The following TNRC18 variants were observed in gnomAD, a reference collection of about 807,000 sequenced individuals.
The protein encoded by TNRC18 is trinucleotide repeat-containing gene 18 protein.
In TNRC18, 69 loss-of-function variants were observed where a neutral mutation model predicts 226.7. The observed-to-expected ratio is 0.30, with a 90% CI of 0.25 to 0.37. The LOEUF (loss-of-function observed/expected upper bound fraction) is 0.37, where lower values mean the gene tolerates loss of function less well. Ranked by LOEUF, TNRC18 falls within the 10% of genes least tolerant of loss-of-function variation. TNRC18 has a pLI of 1.00. For synonymous variants in TNRC18, 2,449 were observed against 1,927.6 expected (o/e 1.27, Z -7.09); for missense variants, 4,754 against 4,256.6 (o/e 1.12, Z -3.25).
Position 5,328,584 on chromosome 7 carries a change from C to T in TNRC18, c.6148-3336G>A, listed in dbSNP as rs1483906513. ...AGTGCAGTGGCACAATCTCGGCTCA[C>T]TGCAACCTCCGCCTCCTGGGTTCGA... On this transcript the variant is annotated intron_variant, in intron 19 of 29. Transcript: ENST00000430969. Among the ~76,000 whole-genome samples, 4 of 151,792 alleles carry T rather than the reference C, an allele frequency of 2.6e-5. No individual in the cohort carries two copies. The East Asian group carries it at 7.8e-4, about 30-fold the overall frequency.
chr7:5,361,746 C>T (rs1186329298), intron 13 of TNRC18, 24 bp from the exon 14 acceptor site: 3 of 1,557,054 alleles, frequency 1.9e-6, no homozygotes, highest in Admixed American at 3.8e-5. Context: ...ACACGCTTGG[C>T]TGTGACGCTG....
At chr7:5,409,525 G>A (rs1482831422) in intron 2 of TNRC18, among the ~76,000 whole-genome samples, 1 of 151,816 alleles carries the variant, frequency 6.6e-6, no homozygotes, top group African/African-American at 2.4e-5. Flanking sequence ...TGAGCTCAAG[G>A]TTGCAGTGAG....
intron 9 of TNRC18, among the ~76,000 whole-genome samples, chr7:5,375,689 G>A (rs1243017820): frequency 1.3e-5 from 2 of 152,114 alleles, no homozygotes; most frequent in African/African-American, 4.8e-5. Context: ...GGCCAGGCTG[G>A]GCTCAGGCAA....
At chr7:5,380,502 G>A (rs1299139647) in intron 5 of TNRC18, among the ~76,000 whole-genome samples, 1 of 152,214 alleles carries the variant, frequency 6.6e-6, no homozygotes, top group Non-Finnish European at 1.5e-5. Context: ...CCCAGAGAGG[G>A]GCACAGCCAT....
At chr7:5,422,466 C>T (rs952858116) in intron 1 of TNRC18, among the ~76,000 whole-genome samples, 2 of 152,130 alleles carry the variant, frequency 1.3e-5, no homozygotes, top group South Asian at 2.1e-4. Flanking sequence ...AAAGATTTGT[C>T]CTTTGCCGAT....
chr7:5,412,064 G>A (rs1781877193), intron 2 of TNRC18, among the ~76,000 whole-genome samples: 1 of 151,970 alleles, frequency 6.6e-6, no homozygotes, highest in Admixed American at 6.6e-5. Flanking sequence ...GAACGCACCT[G>A]TAGTCCTAGC....
chr7:5,336,009 C>G (rs1433131206), intron 18 of TNRC18, among the ~76,000 whole-genome samples: 5 of 151,846 alleles, frequency 3.3e-5, no homozygotes, highest in Admixed American at 6.6e-5. Flanking sequence ...GAGTTTGAGA[C>G]CAGCCTGGCC....
intron 2 of TNRC18, among the ~76,000 whole-genome samples, chr7:5,396,944 C>G (rs1011615923): frequency 2.0e-5 from 3 of 152,230 alleles, no homozygotes; most frequent in African/African-American, 7.2e-5. Flanking sequence ...GAATATCCAA[C>G]CCATCTTCTT....
At chr7:5,340,442 G>C (rs909573532) in intron 18 of TNRC18, among the ~76,000 whole-genome samples, 1 of 152,064 alleles carries the variant, frequency 6.6e-6, no homozygotes. Context: ...GAGGTGTAAG[G>C]AAAGAAGCTA....
chr7:5,408,151 T>C (rs994912457), intron 2 of TNRC18, among the ~76,000 whole-genome samples: 1 of 151,774 alleles, frequency 6.6e-6, no homozygotes, highest in Non-Finnish European at 1.5e-5. Flanking sequence ...ATACAAAAAT[T>C]AGCTGGGCGT....
chr7:5,408,182 C>T (rs998567608), intron 2 of TNRC18, among the ~76,000 whole-genome samples: 1 of 151,972 alleles, frequency 6.6e-6, no homozygotes, highest in Non-Finnish European at 1.5e-5. Context: ...GCCTCTAGTC[C>T]CCACTACTCA....
At position 5,388,501 on chromosome 7, in the gene TNRC18, G is replaced by T. The variant is rs554466523; in HGVS notation, c.1323C>A (p.Pro441=). The T allele has an allele frequency of 2.0e-5, 27 of 1,337,520 alleles. 1 individual carries two copies. Among genetic ancestry groups the T allele is most frequent in the Admixed American group, 4.2e-5 (1 of 24,082 alleles). 82.9% of individuals were successfully genotyped at this position (1,337,520 alleles called of 1,614,324 possible). A position where few individuals can be genotyped will look rare whatever the true frequency, so the allele number is the denominator to read the frequency against. Residue 441 remains proline, a synonymous_variant, in exon 5 of 30, where the codon CCC becomes CCA. Coordinates refer to ENST00000430969, the MANE Select transcript of TNRC18 (RefSeq NM_001080495.3). ...TGGCCCGCACCGTGGGGGCATCCGC[G>T]GGGGGCGGCCGCTTGAGCGAGCGGA... ...SVIRSLKRPP[P]ADAPTVRATR...
At chr7:5,348,484 CTGCT>C (rs1791438156) in intron 17 of TNRC18, among the ~76,000 whole-genome samples, 2 of 152,200 alleles carry the variant, frequency 1.3e-5, no homozygotes, top group African/African-American at 4.8e-5. Flanking sequence ...CCCAAGCCGC[CTGCT>C]TGCTTAAGCA....
chr7:5,388,700 A>C lies in TNRC18; in HGVS notation c.1124T>G (p.Val375Gly). The C allele has an allele frequency of 7.9e-7, 1 of 1,265,422 alleles. No individual in the cohort carries two copies. The allele number at this position is 1,265,422 out of a possible 1,614,324, so 78.4% of individuals were successfully genotyped here. ...REHRVVAPTFVPSVEAFDERP... is the reference protein window; with the variant it reads ...REHRVVAPTFGPSVEAFDERP... ...CTCGTCGAAGGCCTCCACGGAAGGCACGAAGGTGGGCGCCACCACGCGGTG... is the reference window on the plus strand; with the variant it reads ...CTCGTCGAAGGCCTCCACGGAAGGCCCGAAGGTGGGCGCCACCACGCGGTG... The change falls in exon 5 of 30, where the codon GTG becomes GGG. Residue 375 changes from valine to glycine, a missense_variant. Coordinates refer to ENST00000430969, the MANE Select transcript of TNRC18 (RefSeq NM_001080495.3).
At chr7:5,343,701 G>A (rs1170592695) in intron 18 of TNRC18, among the ~76,000 whole-genome samples, 19 of 152,176 alleles carry the variant, frequency 1.2e-4, no homozygotes, top group Non-Finnish European at 2.2e-4. Context: ...TGCCGGGATT[G>A]TAGGTGTGAG....
rs755136599 is a variant in TNRC18, at chr7:5,387,961, G to A, written c.1863C>T (p.Pro621=). ...SPFGGLGTMK[P]EPAPTSAGAS... ...CACCCGCAGAGGTGGGCGCAGGCTC[G>A]GGTTTCATGGTGCCCAAACCTCCAA... Residue 621 remains proline (P), a synonymous_variant, in exon 5 of 30, where the codon CCC becomes CCT. Coordinates refer to ENST00000430969, the MANE Select transcript of TNRC18 (RefSeq NM_001080495.3). 22 of 1,597,174 alleles carry A rather than the reference G, an allele frequency of 1.4e-5. No homozygotes were observed. The African/African-American group carries it at 1.7e-4, about 13-fold the overall frequency.
At chr7:5,385,275 T>C (rs1159208325) in intron 5 of TNRC18, among the ~76,000 whole-genome samples, 1 of 151,812 alleles carries the variant, frequency 6.6e-6, no homozygotes, top group African/African-American at 2.4e-5. Flanking sequence ...TCACTTGAGG[T>C]CAGGAGATCG....
chr7:5,414,562 G>A (rs547474510), intron 2 of TNRC18, among the ~76,000 whole-genome samples: 4 of 151,922 alleles, frequency 2.6e-5, no homozygotes, highest in East Asian at 1.9e-4. Flanking sequence ...GCAGGCACCC[G>A]CCACCACGCC....
intron 11 of TNRC18, among the ~76,000 whole-genome samples, chr7:5,368,837 T>A (rs575431329): frequency 1.3e-5 from 2 of 152,250 alleles, no homozygotes; most frequent in South Asian, 4.1e-4. Context: ...GCCCCGGCCC[T>A]TCCTCCAAAC....
Sources: allele counts gnomAD v4.1 joint callset (sites outside exome capture counted in the v4.1 genomes callset), GRCh38; gene constraint gnomAD v4.1.1; transcripts MANE v1.5; gene names NCBI Gene and HGNC (gene_info 2026-07-23, HGNC 2026-07-21).